Variants in GLIS3 observed in about 807,000 individuals in gnomAD.
GLIS3 encodes the protein GLIS family zinc finger 3, also known as zinc finger protein GLIS3.
Under a neutral mutation model 78.6 loss-of-function variants are expected in GLIS3, and 53 were observed. That is an observed-to-expected ratio of 0.67 (90% CI 0.54 to 0.85). The LOEUF is 0.85. Ranked by LOEUF, GLIS3 falls within the 40% of genes least tolerant of loss-of-function variation. The probability of loss-of-function intolerance (pLI) is 0.00; values close to 1 mark genes in which losing one functional copy is unlikely to be tolerated. For synonymous variants in GLIS3, 684 were observed against 509.9 expected, an observed-to-expected ratio of 1.34 and a Z score of -4.60; for missense variants, 1,703 against 1,231.1, an observed-to-expected ratio of 1.38 and a Z score of -5.74.
intron 4 of GLIS3, among the ~76,000 whole-genome samples, chr9:4,031,180 C>G (rs1359749234): frequency 6.6e-6 from 1 of 152,146 alleles, no homozygotes; most frequent in Non-Finnish European, 1.5e-5. Context: ...GGTACTCAAA[C>G]AAATACGTCA....
intron 2 of GLIS3, among the ~76,000 whole-genome samples, chr9:4,167,685 C>A (rs1257700875): frequency 6.6e-6 from 1 of 152,184 alleles, no homozygotes; most frequent in Non-Finnish European, 1.5e-5. Context: ...AGTATCGAGA[C>A]TGGAATTTGG....
intron 8 of GLIS3, among the ~76,000 whole-genome samples, chr9:3,865,663 A>C (rs978092057): frequency 6.6e-6 from 1 of 152,238 alleles, no homozygotes; most frequent in Non-Finnish European, 1.5e-5. Context: ...TGTTACTGTC[A>C]TGACTCACTT....
intron 4 of GLIS3, among the ~76,000 whole-genome samples, chr9:4,114,002 C>T (rs1224555478): frequency 7.4e-6 from 1 of 135,296 alleles, no homozygotes; most frequent in Non-Finnish European, 1.6e-5. Flanking sequence ...GAAAAATAAA[C>T]AAAATTTAAG....
intron 2 of GLIS3, among the ~76,000 whole-genome samples, chr9:4,237,764 T>C (rs933605758): frequency 6.6e-6 from 1 of 152,214 alleles, no homozygotes; most frequent in African/African-American, 2.4e-5. Context: ...TAACTTTAAA[T>C]TGAGAAAATA....
chr9:4,091,617 G>A (rs1467166407), intron 4 of GLIS3, among the ~76,000 whole-genome samples: 1 of 152,116 alleles, frequency 6.6e-6, no homozygotes, highest in Non-Finnish European at 1.5e-5. Flanking sequence ...AATGTGTTAG[G>A]TGATTTTGTT....
chr9:4,312,358 C>T (rs1332039216), intron 2 of GLIS3, among the ~76,000 whole-genome samples: 2 of 152,100 alleles, frequency 1.3e-5, no homozygotes, highest in East Asian at 3.9e-4. Flanking sequence ...ATCCCAGCTA[C>T]TGGGGAGGCT....
At chr9:4,248,138 T>A (rs145500238) in intron 2 of GLIS3, among the ~76,000 whole-genome samples, 2 of 152,208 alleles carry the variant, frequency 1.3e-5, no homozygotes, top group Non-Finnish European at 2.9e-5. Context: ...GTGCAGAACG[T>A]CCAGGCTTGT....
At chr9:4,267,944 C>CGTGTGT (rs757545130) in intron 2 of GLIS3, among the ~76,000 whole-genome samples, 20,877 of 149,836 alleles carry the variant, frequency 0.14, 1,745 homozygotes, top group Non-Finnish European at 0.18. Context: ...TATAAAAATA[C>CGTGTGT]CTGTGTGTGT....
At chr9:4,030,235 T>G (rs528898490) in intron 4 of GLIS3, among the ~76,000 whole-genome samples, 1 of 152,342 alleles carries the variant, frequency 6.6e-6, no homozygotes, top group African/African-American at 2.4e-5. Flanking sequence ...GTTTGCCATT[T>G]GTATGTCTTC....
At chr9:3,904,595 G>C (rs1588192535) in intron 6 of GLIS3, among the ~76,000 whole-genome samples, 1 of 152,160 alleles carries the variant, frequency 6.6e-6, no homozygotes, top group Non-Finnish European at 1.5e-5. Context: ...TTTGTTTCAG[G>C]TCAGGAAGGA....
chr9:4,079,379 G>A (rs1333927024), intron 4 of GLIS3, among the ~76,000 whole-genome samples: 1 of 152,156 alleles, frequency 6.6e-6, no homozygotes, highest in Non-Finnish European at 1.5e-5. Flanking sequence ...TCCTCTGAGA[G>A]GTATGCTGCC....
intron 2 of GLIS3, among the ~76,000 whole-genome samples, chr9:4,160,748 T>C (rs1177724367): frequency 1.3e-5 from 2 of 152,208 alleles, no homozygotes; most frequent in African/African-American, 4.8e-5. Flanking sequence ...CTTTCCAACC[T>C]ATTCTATAGC....
At chr9:3,876,696 G>GGGGA (rs1563803087) in intron 8 of GLIS3, among the ~76,000 whole-genome samples, 1 of 14,382 alleles carries the variant, frequency 7.0e-5, no homozygotes, top group Non-Finnish European at 2.1e-4. Flanking sequence ...GGAGGGAGGG[G>GGGGA]AGGGAGGGGA....
intron 4 of GLIS3, among the ~76,000 whole-genome samples, chr9:4,085,547 C>G (rs1322576091): frequency 6.6e-6 from 1 of 152,154 alleles, no homozygotes; most frequent in Non-Finnish European, 1.5e-5. Flanking sequence ...CCCATTCTAT[C>G]CTTCTGAGAA....
the GLIS3 span, among the ~76,000 whole-genome samples, chr9:4,414,489 TCAAA>T: frequency 1.3e-5 from 2 of 152,200 alleles, no homozygotes; most frequent in East Asian, 1.9e-4. Flanking sequence ...ATTGGGGTGG[TCAAA>T]CAATTATAGG....
intron 6 of GLIS3, among the ~76,000 whole-genome samples, chr9:3,927,146 G>T (rs1387895494): frequency 1.3e-5 from 2 of 152,210 alleles, no homozygotes; most frequent in Admixed American, 1.3e-4. Context: ...TGAGGGCACA[G>T]AACTTGTCTG....
chr9:4,211,375 A>G (rs919964205), intron 2 of GLIS3, among the ~76,000 whole-genome samples: 5 of 152,218 alleles, frequency 3.3e-5, no homozygotes, highest in Non-Finnish European at 5.9e-5. Flanking sequence ...AAAGGTCCCA[A>G]ATTCATTCAC....
the GLIS3 span, among the ~76,000 whole-genome samples, chr9:4,473,112 C>T: frequency 2.0e-5 from 3 of 152,020 alleles, no homozygotes; most frequent in African/African-American, 7.3e-5. Flanking sequence ...GCAACCTTGC[C>T]AGTTATTGCA....
intron 4 of GLIS3, among the ~76,000 whole-genome samples, chr9:3,967,040 A>AAAAAAAAAAG (rs1226736845): frequency 1.5e-5 from 2 of 129,628 alleles, no homozygotes; most frequent in Non-Finnish European, 3.3e-5. Flanking sequence ...AAAACAAAAA[A>AAAAAAAAAAG]ACATTTTGAG....
Sources: allele counts gnomAD v4.1 joint callset (sites outside exome capture counted in the v4.1 genomes callset), GRCh38; gene constraint gnomAD v4.1.1; transcripts MANE v1.5; gene names NCBI Gene and HGNC (gene_info 2026-07-23, HGNC 2026-07-21).